Variants in COL28A1 observed in about 807,000 individuals in gnomAD.
COL28A1 encodes the protein collagen type XXVIII alpha 1 chain.
Under a neutral mutation model 150.2 loss-of-function variants are expected in COL28A1, and 161 were observed. That is an observed-to-expected ratio of 1.07 (90% CI 0.94 to 1.22). The LOEUF is 1.22. Ranked by LOEUF, COL28A1 falls within the 50% of genes most tolerant of loss-of-function variation. The probability of loss-of-function intolerance (pLI) is 0.00; values close to 1 mark genes in which losing one functional copy is unlikely to be tolerated. For missense variants in COL28A1, 1,617 were observed against 1,388.3 expected (o/e 1.16, Z -2.62); for synonymous variants, 552 against 469.7 (o/e 1.18, Z -2.26).
chr7:7,542,075 T>G, the COL28A1 span, among the ~76,000 whole-genome samples: 1 of 152,120 alleles, frequency 6.6e-6, no homozygotes, highest in South Asian at 2.1e-4. Context: ...TGGGGCTGGG[T>G]GCGGTGGCTC....
chr7:7,495,597 G>C (rs1780164504), intron 11 of COL28A1, among the ~76,000 whole-genome samples: 1 of 152,000 alleles, frequency 6.6e-6, no homozygotes, highest in Non-Finnish European at 1.5e-5. Flanking sequence ...GGGAACCTAG[G>C]GGTCATTCAT....
intron 7 of COL28A1, among the ~76,000 whole-genome samples, chr7:7,516,518 A>G (rs1020625263): frequency 1.5e-4 from 23 of 152,184 alleles, no homozygotes; most frequent in African/African-American, 5.3e-4. Flanking sequence ...CCCTTTAAGA[A>G]ATACAATAGT....
chr7:7,449,895 G>C (rs1786551644), intron 18 of COL28A1, among the ~76,000 whole-genome samples: 1 of 152,022 alleles, frequency 6.6e-6, no homozygotes, highest in Non-Finnish European at 1.5e-5. Context: ...TATTTAATCT[G>C]TAGATTTAGT....
At chr7:7,415,346 CAG>C (rs1294804451) in intron 27 of COL28A1, among the ~76,000 whole-genome samples, 8 of 152,208 alleles carry the variant, frequency 5.3e-5, no homozygotes, top group Non-Finnish European at 1.0e-4. Flanking sequence ...TGAAATGACT[CAG>C]AAGAATGCCA....
chr7:7,443,943 AT>A (rs1276382584), intron 19 of COL28A1, among the ~76,000 whole-genome samples: 2 of 140,004 alleles, frequency 1.4e-5, no homozygotes, highest in African/African-American at 5.4e-5. Flanking sequence ...CATTTGGTAG[AT>A]TTTTTAAAAA....
In COL28A1 at chr7:7,373,282, G is replaced by C. The variant is rs1330386634; in HGVS notation, c.2624C>G (p.Thr875Arg). 2 of 1,614,168 alleles carry C rather than the reference G, an allele frequency of 1.2e-6. No homozygotes were observed. The highest frequency in any genetic ancestry group is 4.5e-5 in the East Asian group (2 of 44,886). ...TGCTTGCAGAGCAGTGGCTGTGTATGTGCCTTCCCCCAGATACTGCATGTT... is the reference window on the plus strand; with the variant it reads ...TGCTTGCAGAGCAGTGGCTGTGTATCTGCCTTCCCCCAGATACTGCATGTT... ...VDNMQYLGEGTYTATALQAAN... is the reference protein window; with the variant it reads ...VDNMQYLGEGRYTATALQAAN... Residue 875 changes from threonine (T) to arginine (R), a missense_variant, in exon 32 of 35, where the codon ACA becomes AGA. By Grantham distance (71) the Thr-to-Arg change is moderately conservative (BLOSUM62 -1). Transcript: ENST00000399429. This position sits in a 1 kb window ranked among gnomAD's most constrained non-coding sequence, Gnocchi z 4.1.
Position 7,432,472 on chromosome 7 carries a change from C to T in COL28A1, c.1998+1G>A, listed in dbSNP as rs1785039739. On this transcript the variant is annotated splice_donor_variant, in intron 25 of 34. Coordinates refer to ENST00000399429, the MANE Select transcript of COL28A1 (RefSeq NM_001037763.3). LOFTEE classifies it high-confidence loss of function. ...GTACGTTGCCTACTTTAAAGTCTTA[C>T]CTTTGCTCCAGTGTCTCCCACTCCA... is the stretch of plus-strand genomic sequence containing the variant. The T allele has an allele frequency of 6.2e-7, 1 of 1,613,746 alleles. No individual in the cohort carries two copies. Among genetic ancestry groups the T allele is most frequent in the South Asian group, 1.1e-5 (1 of 91,068 alleles).
chr7:7,363,668 T>C (rs1188929689), intron 33 of COL28A1, among the ~76,000 whole-genome samples: 1 of 152,184 alleles, frequency 6.6e-6, no homozygotes, highest in East Asian at 1.9e-4. Context: ...TCTAGGTGCA[T>C]ATCCATTTTT....
intron 25 of COL28A1, among the ~76,000 whole-genome samples, chr7:7,423,958 T>C (rs954106119): frequency 1.3e-5 from 2 of 152,210 alleles, no homozygotes; most frequent in Non-Finnish European, 2.9e-5. Context: ...GAATTTAAGA[T>C]GTGTTCCATG....
chr7:7,376,122 G>A (rs1781527725), intron 30 of COL28A1, among the ~76,000 whole-genome samples: 2 of 152,112 alleles, frequency 1.3e-5, no homozygotes, highest in Non-Finnish European at 2.9e-5. Flanking sequence ...CCTGAAATGA[G>A]CTGGGTACTA....
At chr7:7,535,323 CAG>C (rs1688920244) in intron 1 of COL28A1, among the ~76,000 whole-genome samples, 1 of 152,058 alleles carries the variant, frequency 6.6e-6, no homozygotes, top group African/African-American at 2.4e-5. Flanking sequence ...GATCTTATAT[CAG>C]AGTTCACCAA....
intron 10 of COL28A1, among the ~76,000 whole-genome samples, chr7:7,506,678 A>G (rs1385308443): frequency 6.6e-6 from 1 of 152,258 alleles, no homozygotes; most frequent in East Asian, 1.9e-4. Context: ...AATGCCTTAG[A>G]GAATCAGTCC....
chr7:7,441,766 T>G (rs192980670), intron 20 of COL28A1, among the ~76,000 whole-genome samples: 2 of 152,180 alleles, frequency 1.3e-5, no homozygotes, highest in East Asian at 3.9e-4. Context: ...GGACCACACT[T>G]TGAGAATCAT....
intron 3 of COL28A1, among the ~76,000 whole-genome samples, chr7:7,530,708 A>G (rs1583583116): frequency 2.0e-5 from 3 of 152,298 alleles, no homozygotes; most frequent in East Asian, 3.9e-4. Context: ...AAAGCTGACC[A>G]GACCTATCAA....
chr7:7,407,668 T>C (rs955471317), intron 27 of COL28A1, among the ~76,000 whole-genome samples: 1 of 152,020 alleles, frequency 6.6e-6, no homozygotes, highest in Non-Finnish European at 1.5e-5. Flanking sequence ...TAGTAGACTT[T>C]TACCAAAAAA....
intron 15 of COL28A1, among the ~76,000 whole-genome samples, chr7:7,460,918 C>T (rs1340127313): frequency 6.6e-6 from 1 of 152,058 alleles, no homozygotes; most frequent in Non-Finnish European, 1.5e-5. Context: ...AGGACTAGAT[C>T]GCAGCTCCCA....
At chr7:7,536,972 G>C (rs1782666481), upstream of COL28A1, among the ~76,000 whole-genome samples, 1 of 152,096 alleles carries the variant, frequency 6.6e-6, no homozygotes, top group Non-Finnish European at 1.5e-5. Flanking sequence ...ATTTTCCCAA[G>C]AGCTAATTGA....
chr7:7,450,645 G>C (rs993460853), intron 18 of COL28A1, among the ~76,000 whole-genome samples: 1 of 152,126 alleles, frequency 6.6e-6, no homozygotes, highest in Non-Finnish European at 1.5e-5. Flanking sequence ...CACGCTCTAT[G>C]ATCTTCCCAT....
At chr7:7,350,716 C>T in the COL28A1 span, among the ~76,000 whole-genome samples, 84 of 135,884 alleles carry the variant, frequency 6.2e-4, no homozygotes, top group South Asian at 1.8e-3. Flanking sequence ...TTATTCTTAA[C>T]GGAATCAGTT....
Sources: allele counts gnomAD v4.1 joint callset (sites outside exome capture counted in the v4.1 genomes callset), GRCh38; gene constraint gnomAD v4.1.1; non-coding constraint Gnocchi (gnomAD v3.1); transcripts MANE v1.5; gene names NCBI Gene and HGNC (gene_info 2026-07-23, HGNC 2026-07-21).